SHPRH: variants seen among roughly 807,000 people sequenced by gnomAD.
SHPRH encodes E3 ubiquitin-protein ligase SHPRH.
SHPRH carries 106 observed loss-of-function variants against 202.5 expected under a neutral mutation model. The ratio of observed to expected loss-of-function variants is 0.52; its 90% CI spans 0.45 to 0.62. The LOEUF is 0.62. Among genes scored for constraint, SHPRH ranks in the 20% least tolerant of loss-of-function variants. The pLI is 0.00. For missense variants in SHPRH, 1,710 were observed against 2,020.0 expected, an observed-to-expected ratio of 0.85 and a Z score of 2.94; for synonymous variants, 729 against 686.0, an observed-to-expected ratio of 1.06 and a Z score of -0.98.
At chr6:145,884,722 A>G (rs1780844295), downstream of SHPRH, 1 of 152,166 alleles carries the variant, frequency 6.6e-6, no homozygotes, top group Non-Finnish European at 1.5e-5. Context: ...ATTCTATAGT[A>G]TTAGCCATTT....
At chr6:145,960,569 T>C (rs970266998) in intron 1 of SHPRH, among the ~76,000 whole-genome samples, 1 of 152,204 alleles carries the variant, frequency 6.6e-6, no homozygotes, top group Non-Finnish European at 1.5e-5. Context: ...AAGGTGAGAA[T>C]GCAATGCTTT....
At chr6:145,922,457 C>T in intron 19 of SHPRH, 109 bp from the exon 20 acceptor site, 4 of 1,305,956 alleles carry the variant, frequency 3.1e-6, no homozygotes, top group Non-Finnish European at 4.1e-6. Flanking sequence ...CTAGATATGC[C>T]ATTTTAGAAA....
chr6:145,945,889 T>C (rs1787321421), intron 7 of SHPRH, among the ~76,000 whole-genome samples: 2 of 152,080 alleles, frequency 1.3e-5, no homozygotes, highest in Non-Finnish European at 2.9e-5. Context: ...AAAACAATCA[T>C]TCAAAATTAT....
chr6:145,949,611 A>G (rs1296846975), intron 4 of SHPRH, among the ~76,000 whole-genome samples: 1 of 152,058 alleles, frequency 6.6e-6, no homozygotes. Flanking sequence ...GAAAAATTAC[A>G]TAGTGGGTAC....
intron 1 of SHPRH, among the ~76,000 whole-genome samples, chr6:145,957,785 T>G (rs546713597): frequency 5.9e-5 from 9 of 152,280 alleles, no homozygotes; most frequent in South Asian, 4.1e-4. Flanking sequence ...CTAATAAAAT[T>G]GAATATAACT....
chr6:145,911,088 G>T (rs1176921873), intron 24 of SHPRH, among the ~76,000 whole-genome samples: 1 of 151,964 alleles, frequency 6.6e-6, no homozygotes, highest in Non-Finnish European at 1.5e-5. Context: ...TTTTGAAAAT[G>T]GTTCTGGTTA....
chr6:145,945,338 A>G, intron 8 of SHPRH, 43 bp downstream of exon 8: 8 of 1,557,142 alleles, frequency 5.1e-6, no homozygotes, highest in Non-Finnish European at 6.1e-6. Flanking sequence ...GTAAGGTATC[A>G]CATACGTGTA....
intron 10 of SHPRH, 57 bp from the exon 11 acceptor site, chr6:145,940,858 C>A: frequency 6.4e-7 from 1 of 1,573,528 alleles, no homozygotes. Context: ...AGAAAGAACA[C>A]AGAAGTCAGG....
chr6:145,952,820 C>T (rs1053972281), intron 2 of SHPRH, among the ~76,000 whole-genome samples: 7 of 152,020 alleles, frequency 4.6e-5, no homozygotes, highest in Admixed American at 2.0e-4. Context: ...TTAAAAATGC[C>T]GATTTCCCCA....
At chr6:145,963,667 AAAG>A (rs1479303037) in intron 1 of SHPRH, 61 bp downstream of exon 1, 1 of 152,214 alleles carries the variant, frequency 6.6e-6, no homozygotes, top group Non-Finnish European at 1.5e-5. Context: ...TGCCGCGCAC[AAAG>A]AAGGGAGGCG....
In SHPRH at chr6:145,922,882, T is replaced by C. The variant is rs145055096; in HGVS notation, c.3546-46A>G. On this transcript the variant is annotated intron_variant, in intron 18 of 29. Transcript: ENST00000275233. ...ACACACAATACAAAGAAAAGAATAATAGGTCAATTTCCTCAAATTCAGAGA... is the reference window on the plus strand; with the variant it reads ...ACACACAATACAAAGAAAAGAATAACAGGTCAATTTCCTCAAATTCAGAGA... The C allele has an allele frequency of 7.4e-4, 1,100 of 1,479,562 alleles. 8 individuals are homozygous for C. Among genetic ancestry groups the C allele is most frequent in the East Asian group, 3.3e-4 (13 of 39,238 alleles). 91.7% of individuals were successfully genotyped at this position (1,479,562 alleles called of 1,614,324 possible). A position where few individuals can be genotyped will look rare whatever the true frequency, so the allele number is the denominator to read the frequency against.
chr6:145,903,270 T>C (rs1782658940), intron 25 of SHPRH: 1 of 151,890 alleles, frequency 6.6e-6, no homozygotes, highest in Non-Finnish European at 1.5e-5. Flanking sequence ...CAGATGTTTA[T>C]TTTAATTATA....
At chr6:145,957,708 G>A (rs907643050) in intron 1 of SHPRH, among the ~76,000 whole-genome samples, 17 of 152,084 alleles carry the variant, frequency 1.1e-4, no homozygotes, top group African/African-American at 3.6e-4. Context: ...CTGAGAGTAT[G>A]GCTCAAACAG....
intron 19 of SHPRH, 127 bp from the exon 20 acceptor site, chr6:145,922,475 T>C: frequency 7.9e-7 from 1 of 1,262,610 alleles, no homozygotes; most frequent in Non-Finnish European, 1.1e-6. Flanking sequence ...AAAAAACAAA[T>C]CACATGGTTT....
chr6:145,864,990 G>C (rs1384785105), intron 2 of SHPRH, among the ~76,000 whole-genome samples: 1 of 150,846 alleles, frequency 6.6e-6, no homozygotes, highest in Non-Finnish European at 1.5e-5. Flanking sequence ...TTGAGACCGT[G>C]GTGCCTTTCT....
At position 145,954,827 on chromosome 6, in the gene SHPRH, CT is replaced by C. The variant is rs1469942319; in HGVS notation, c.495del (p.Glu166AsnfsTer3). 3 of 1,613,406 alleles carry C rather than the reference CT, an allele frequency of 1.9e-6. No individual in the cohort carries two copies. Among genetic ancestry groups the C allele is most frequent in the Non-Finnish European group, 2.5e-6 (3 of 1,179,716 alleles). On this transcript the variant is annotated frameshift_variant, in exon 2 of 30. Coordinates refer to ENST00000275233, the MANE Select transcript of SHPRH (RefSeq NM_001042683.3). LOFTEE classifies it high-confidence loss of function. Reference sequence around the variant, plus strand: ...CCCTTGTCACAAATACTCATCGGTTCTTTTTTTTGTTTCTCTACATCTTCAC... The same window carrying C: ...CCCTTGTCACAAATACTCATCGGTTCTTTTTTTGTTTCTCTACATCTTCAC... ...SKGEDVEKQK[K>X]EPMSICDKGI...
rs1043102289 is a variant in SHPRH at position 145,955,367 on chromosome 6, T to C, written c.-32-13A>G. ...GTAACTGTGAACTCTAGAGGACAAA[T>C]GAAACAACAGGAGGTATAACAAGAG... On this transcript the variant is annotated splice_polypyrimidine_tract_variant and intron_variant, in intron 1 of 29. Coordinates refer to ENST00000275233, the MANE Select transcript of SHPRH (RefSeq NM_001042683.3). The C allele has an allele frequency of 2.6e-6, 4 of 1,548,486 alleles. No individual in the cohort carries two copies. The Admixed American group carries it at 7.5e-5, about 29-fold the overall frequency.
intron 11 of SHPRH, among the ~76,000 whole-genome samples, chr6:145,937,006 C>G (rs1296998477): frequency 1.7e-5 from 2 of 120,234 alleles, no homozygotes; most frequent in Non-Finnish European, 3.3e-5. Flanking sequence ...TTTTTTGAGA[C>G]AGAGTCTTGC....
intron 26 of SHPRH, among the ~76,000 whole-genome samples, chr6:145,894,489 A>G (rs1401598635): frequency 1.3e-5 from 2 of 151,768 alleles, no homozygotes; most frequent in Non-Finnish European, 2.9e-5. Flanking sequence ...TAGAAAATAC[A>G]TAATGGAGTG....
Sources: allele counts gnomAD v4.1 joint callset (sites outside exome capture counted in the v4.1 genomes callset), GRCh38; gene constraint gnomAD v4.1.1; transcripts MANE v1.5; gene names NCBI Gene and HGNC (gene_info 2026-07-23, HGNC 2026-07-21).